The following PLAGL1 variants were observed in gnomAD, a reference collection of about 807,000 sequenced individuals.
PLAGL1 encodes the protein zinc finger protein PLAGL1.
PLAGL1 carries 1 observed loss-of-function variant against 4.6 expected under a neutral mutation model. That is an observed-to-expected ratio of 0.22 (90% CI 0.08 to 1.03). The LOEUF (loss-of-function observed/expected upper bound fraction) is 1.03, where lower values mean the gene tolerates loss of function less well. Among genes scored for constraint, PLAGL1 ranks in the 50% least tolerant of loss-of-function variants. The pLI is 0.58. For missense variants in PLAGL1, 464 were observed against 570.4 expected (o/e 0.81, Z 1.90); for synonymous variants, 240 against 237.8 (o/e 1.01, Z -0.08).
At chr6:143,976,848 A>T (rs758769809) in intron 2 of PLAGL1, among the ~76,000 whole-genome samples, 2 of 151,766 alleles carry the variant, frequency 1.3e-5, no homozygotes, top group African/African-American at 2.4e-5. Context: ...ATCTCTGATG[A>T]GTTATTAATT....
Position 143,995,156 on chromosome 6 carries a change from T to C in PLAGL1, c.-583-9982A>G, listed in dbSNP as rs111528115. Among the ~76,000 whole-genome samples the C allele has an allele frequency of 0.072, 10,743 of 149,054 alleles. 518 individuals carry two copies. The highest frequency in any genetic ancestry group is 0.2 in the East Asian group (1,002 of 5,090). ...CAAAGGAGATAAAACTATTCTCAGG[T>C]TGTTGGAACAATTAAATAAAATGAT... On this transcript the variant is annotated intron_variant, in intron 1 of 7. Transcript: ENST00000674357. This position sits in a 1 kb window ranked among gnomAD's most constrained non-coding sequence, Gnocchi z 4.4.
At chr6:144,017,239 C>G (rs1286682418) in intron 1 of PLAGL1, among the ~76,000 whole-genome samples, 2 of 152,142 alleles carry the variant, frequency 1.3e-5, no homozygotes, top group South Asian at 4.1e-4. Flanking sequence ...CAAACTACCT[C>G]TTGCTGGTCT....
chr6:144,054,609 C>T (rs984730565), intron 1 of PLAGL1, among the ~76,000 whole-genome samples: 4 of 151,930 alleles, frequency 2.6e-5, no homozygotes, highest in Non-Finnish European at 5.9e-5. Context: ...GGGTCGGAGG[C>T]GAGGGGAGGG....
intron 1 of PLAGL1, among the ~76,000 whole-genome samples, chr6:144,001,604 C>T (rs1268645045): frequency 6.6e-6 from 1 of 152,108 alleles, no homozygotes; most frequent in African/African-American, 2.4e-5. Flanking sequence ...TTTGATATCC[C>T]TCCCTTCCTT....
chr6:144,008,425 C>A (rs568512232), upstream of PLAGL1: 17 of 152,014 alleles, frequency 1.1e-4, no homozygotes, highest in African/African-American at 3.4e-4. This position sits in a 1 kb window ranked among gnomAD's most constrained non-coding sequence, Gnocchi z 6.9. Flanking sequence ...ACGGCGCGGC[C>A]GCGAGGAGGG....
rs955081533 is a variant in PLAGL1 at position 144,008,012 on chromosome 6, C to G, written c.-584+78G>C. On this transcript the variant is annotated intron_variant, in intron 1 of 7. Transcript: ENST00000674357. This position sits in a 1 kb window ranked among gnomAD's most constrained non-coding sequence, Gnocchi z 6.9. Reference sequence around the variant, plus strand: ...CTCCTCGCGGCCGCGAACCCAGCGCCGTCCTCGCAGCGCGGCAATGCACGG... The same window carrying G: ...CTCCTCGCGGCCGCGAACCCAGCGCGGTCCTCGCAGCGCGGCAATGCACGG... The G allele has an allele frequency of 2.0e-5, 3 of 151,886 alleles. No homozygotes were observed. Among genetic ancestry groups the G allele is most frequent in the African/African-American group, 7.2e-5 (3 of 41,398 alleles). 9.4% of individuals were successfully genotyped at this position (151,886 alleles called of 1,614,324 possible).
chr6:144,021,157 C>A (rs531113929), intron 1 of PLAGL1, among the ~76,000 whole-genome samples: 2 of 152,058 alleles, frequency 1.3e-5, no homozygotes, highest in Admixed American at 1.3e-4. Context: ...AGAAACAGAA[C>A]TAAACGGGTA....
In PLAGL1 at chr6:143,973,423, C is replaced by G. The variant is rs950638262; in HGVS notation, c.-543-4445G>C. 1.3e-5 allele frequency among the ~76,000 whole-genome samples: 2 copies of G among 152,168 alleles called. No homozygotes were observed. Among genetic ancestry groups the G allele is most frequent in the Non-Finnish European group, 2.9e-5 (2 of 68,026 alleles). ...AACCATGACAAACCAGCACAATCAC[C>G]CAGCATAATATACTGCTCGCTAGTT... On this transcript the variant is annotated intron_variant, in intron 2 of 7. Coordinates refer to ENST00000674357, the MANE Select transcript of PLAGL1 (RefSeq NM_001317162.2). This position sits in a 1 kb window ranked among gnomAD's most constrained non-coding sequence, Gnocchi z 6.2.
intron 7 of PLAGL1, among the ~76,000 whole-genome samples, chr6:143,943,030 A>ATTTTTTTTT (rs1411368035): frequency 1.4e-4 from 1 of 7,304 alleles, no homozygotes; most frequent in Non-Finnish European, 2.9e-4. Flanking sequence ...AGGCCTGGCT[A>ATTTTTTTTT]ATTTTTTTTT....
Position 143,941,267 on chromosome 6 carries a change from A to G in PLAGL1, c.*157T>C, listed in dbSNP as rs1422707097. 1.8e-6 allele frequency: 1 copy of G among 559,224 alleles called. No homozygotes were observed. Among genetic ancestry groups the G allele is most frequent in the Non-Finnish European group, 3.0e-6 (1 of 328,710 alleles). The allele number at this position is 559,224 out of a possible 1,614,324, so 34.6% of individuals were successfully genotyped here. A position where few individuals can be genotyped will look rare whatever the true frequency, so the allele number is the denominator to read the frequency against. On this transcript the variant is annotated 3_prime_UTR_variant, in exon 8 of 8. Coordinates refer to ENST00000674357, the MANE Select transcript of PLAGL1 (RefSeq NM_001317162.2). The surrounding 1 kb of genome is among the most constrained non-coding windows in gnomAD (Gnocchi z 6.0). ...CACTCAGGACAGATTGGCACAATAC[A>G]TGCAGTTCGAGAATTCTCTTATCAT...
At position 144,004,380 on chromosome 6, in the gene PLAGL1, G is replaced by A. The variant is rs1035271939; in HGVS notation, c.-584+3710C>T. On this transcript the variant is annotated intron_variant, in intron 1 of 7. Transcript: ENST00000674357. The surrounding 1 kb of genome is among the most constrained non-coding windows in gnomAD (Gnocchi z 4.2). Reference sequence around the variant, plus strand: ...TTTTATAAACAGAAACATGCAGTGGGTTGGAATTGGCCCACAGGCCATAGT... The same window carrying A: ...TTTTATAAACAGAAACATGCAGTGGATTGGAATTGGCCCACAGGCCATAGT... Among the ~76,000 whole-genome samples, 2 of 152,164 alleles carry A rather than the reference G, an allele frequency of 1.3e-5. No individual in the cohort carries two copies. Among genetic ancestry groups the A allele is most frequent in the Non-Finnish European group, 2.9e-5 (2 of 68,036 alleles).
At chr6:144,044,900 T>C (rs1798011943) in intron 1 of PLAGL1, among the ~76,000 whole-genome samples, 1 of 152,182 alleles carries the variant, frequency 6.6e-6, no homozygotes, top group Admixed American at 6.5e-5. Context: ...CTCTTCTTGT[T>C]GAATTGATCA....
At chr6:144,037,824 T>C (rs578104589) in intron 1 of PLAGL1, 4 of 152,298 alleles carry the variant, frequency 2.6e-5, no homozygotes, top group African/African-American at 9.6e-5. Flanking sequence ...TACATAGAAA[T>C]GTACACAGTA....
chr6:144,020,327 A>G (rs537690633), intron 1 of PLAGL1, among the ~76,000 whole-genome samples: 2 of 152,086 alleles, frequency 1.3e-5, no homozygotes, highest in South Asian at 4.1e-4. Flanking sequence ...TCGCCCTGTT[A>G]CCCAGGCTGG....
In PLAGL1 at chr6:143,995,453, A is replaced by G. The variant is rs1257135834; in HGVS notation, c.-583-10279T>C. On this transcript the variant is annotated intron_variant, in intron 1 of 7. Transcript: ENST00000674357. This position sits in a 1 kb window ranked among gnomAD's most constrained non-coding sequence, Gnocchi z 4.4. The stretch of plus-strand genomic sequence containing the variant: ...ATTTGAGGAATAAGTTAAGCCAAGG[A>G]AACATGATTCTAAACTACATAATTT... Among the ~76,000 whole-genome samples the G allele has an allele frequency of 6.6e-6, 1 of 152,174 alleles. No homozygotes were observed. Among genetic ancestry groups the G allele is most frequent in the African/African-American group, 2.4e-5 (1 of 41,442 alleles).
At chr6:144,029,327 G>A (rs184011304) in intron 1 of PLAGL1, among the ~76,000 whole-genome samples, 2 of 152,162 alleles carry the variant, frequency 1.3e-5, no homozygotes, top group African/African-American at 4.8e-5. Context: ...TTCTCTGTAT[G>A]ATAAGACATA....
intron 1 of PLAGL1, chr6:144,007,878 G>C (rs1794625413): frequency 6.6e-6 from 1 of 152,192 alleles, no homozygotes; most frequent in South Asian, 2.1e-4. Context: ...AGGGGGTCCG[G>C]CGGCACTCGC....
Position 143,977,090 on chromosome 6 carries a change from C to CG in PLAGL1, c.-544+8044_-544+8045insC, listed in dbSNP as rs1015718212. On this transcript the variant is annotated intron_variant, in intron 2 of 7. Coordinates refer to ENST00000674357, the MANE Select transcript of PLAGL1 (RefSeq NM_001317162.2). ...ATTTCCCATATACTCCCTTCCCCCC[C>CG]CCCAACACACTTAGCCTTCTCCATT... Among the ~76,000 whole-genome samples, 7 of 148,102 alleles carry CG rather than the reference C, an allele frequency of 4.7e-5. No homozygotes were observed. In the South Asian group the frequency reaches 9.0e-4, roughly 19 times the overall value.
At chr6:143,944,090 G>C (rs541359813) in intron 7 of PLAGL1, among the ~76,000 whole-genome samples, 12 of 152,308 alleles carry the variant, frequency 7.9e-5, no homozygotes. Context: ...TGTCACGAGA[G>C]GTTAAAGCTT....
Sources: allele counts gnomAD v4.1 joint callset (sites outside exome capture counted in the v4.1 genomes callset), GRCh38; gene constraint gnomAD v4.1.1; non-coding constraint Gnocchi (gnomAD v3.1); transcripts MANE v1.5; gene names NCBI Gene and HGNC (gene_info 2026-07-23, HGNC 2026-07-21).